Variants in SVOP observed in about 807,000 individuals in gnomAD.
The protein encoded by SVOP is SV2 related protein, also known as synaptic vesicle 2-related protein.
SVOP carries 17 observed loss-of-function variants against 69.1 expected under a neutral mutation model. That is an observed-to-expected ratio of 0.25 (90% CI 0.17 to 0.37). The LOEUF is 0.37. Ranked by LOEUF, SVOP falls within the 10% of genes least tolerant of loss-of-function variation. The pLI is 1.00. For missense variants in SVOP, 435 were observed against 597.5 expected, an observed-to-expected ratio of 0.73 and a Z score of 2.84; for synonymous variants, 238 against 238.6, an observed-to-expected ratio of 1.00 and a Z score of 0.02.
In SVOP at chr12:108,960,954, C is replaced by T. The variant is rs1042803288; in HGVS notation, c.547G>A (p.Val183Met). ...YSWILVLRGL[V>M]GFGIGGVPQS... ...GGAACTCCTCCGATCCCGAAGCCCA[C>T]CAGGCCCCGGAGCACCAGGATCCAG... is the stretch of plus-strand genomic sequence containing the variant. The change falls in exon 6 of 16, where the codon GTG (valine) becomes ATG (methionine). Residue 183 changes from valine (V) to methionine (M), a missense_variant. Transcript: ENST00000610966. 7 of 1,536,984 alleles carry T rather than the reference C, an allele frequency of 4.6e-6. No homozygotes were observed. In the African/African-American group the frequency reaches 8.2e-5, roughly 18 times the overall value.
chr12:108,912,131 G>GGCCACCCA lies in SVOP; in HGVS notation c.*403_*404insTGGGTGGC. Reference sequence around the variant, plus strand: ...GAGAAACCTACTGAACAGGTCCGGTGGGTGGACAGCAGGTGTCACATGGGC... The same window carrying GGCCACCCA: ...GAGAAACCTACTGAACAGGTCCGGTGGCCACCCAGGTGGACAGCAGGTGTCACATGGGC... On this transcript the variant is annotated 3_prime_UTR_variant, in exon 16 of 16. Coordinates refer to ENST00000610966, the MANE Select transcript of SVOP (RefSeq NM_018711.5). The GGCCACCCA allele has an allele frequency of 2.0e-6, 2 of 1,012,754 alleles. No homozygotes were observed. Among genetic ancestry groups the GGCCACCCA allele is most frequent in the African/African-American group, 3.4e-5 (2 of 58,744 alleles). The allele number at this position is 1,012,754 out of a possible 1,614,324, so 62.7% of individuals were successfully genotyped here.
At chr12:108,951,316 G>C (rs945920672) in intron 6 of SVOP, among the ~76,000 whole-genome samples, 5 of 152,164 alleles carry the variant, frequency 3.3e-5, no homozygotes, top group African/African-American at 1.2e-4. Flanking sequence ...TGCGGTGCAT[G>C]GCGCCCTCTA....
chr12:108,931,028 A>G (rs1437306169), intron 11 of SVOP, among the ~76,000 whole-genome samples: 1 of 152,142 alleles, frequency 6.6e-6, no homozygotes, highest in Non-Finnish European at 1.5e-5. Flanking sequence ...ATTCCCCTGA[A>G]TCCTTAGTTT....
rs753596901 is a variant in SVOP at position 108,922,684 on chromosome 12, C to T, written c.1156+6G>A. The T allele has an allele frequency of 9.4e-6, 15 of 1,597,564 alleles. No individual in the cohort carries two copies. In the South Asian group the frequency reaches 1.5e-4, roughly 16 times the overall value. ...GACACAGCTTCACCTTGCACAGGTC[C>T]CTCACCTGGAAACTCAGAGAGGGTG... is the stretch of plus-strand genomic sequence containing the variant. On this transcript the variant is annotated splice_donor_region_variant and intron_variant, in intron 12 of 15. Coordinates refer to ENST00000610966, the MANE Select transcript of SVOP (RefSeq NM_018711.5).
intron 11 of SVOP, among the ~76,000 whole-genome samples, chr12:108,930,441 T>C (rs371461268): frequency 3.4e-5 from 5 of 147,104 alleles, no homozygotes; most frequent in Non-Finnish European, 6.1e-5. Flanking sequence ...ATTGCTTTTT[T>C]TTTTTTTTTT....
chr12:108,977,378 G>A lies in SVOP; in HGVS notation c.381+20C>T, dbSNP rs1179384471. Reference sequence around the variant, plus strand: ...GGAGCAGAACTGTATGCAACAGAAGGGAGCTGCTGGGCTGCCTACCGAGGT... The same window carrying A: ...GGAGCAGAACTGTATGCAACAGAAGAGAGCTGCTGGGCTGCCTACCGAGGT... On this transcript the variant is annotated intron_variant, in intron 4 of 15. Coordinates refer to ENST00000610966, the MANE Select transcript of SVOP (RefSeq NM_018711.5). 3.9e-6 allele frequency: 6 copies of A among 1,536,644 alleles called. No homozygotes were observed. In the East Asian group the frequency reaches 1.2e-4, roughly 31 times the overall value.
intron 12 of SVOP, among the ~76,000 whole-genome samples, chr12:108,920,200 G>A (rs1216136510): frequency 6.6e-6 from 1 of 152,166 alleles, no homozygotes; most frequent in Non-Finnish European, 1.5e-5. Flanking sequence ...ACAGACCCTG[G>A]GCCAATGCCT....
chr12:109,020,041 C>T (rs2040387992), intron 1 of SVOP, among the ~76,000 whole-genome samples: 1 of 152,160 alleles, frequency 6.6e-6, no homozygotes, highest in Non-Finnish European at 1.5e-5. Context: ...AATGCCCCCT[C>T]TCATACTCTT....
chr12:108,936,023 TAC>T (rs144380662), intron 10 of SVOP, among the ~76,000 whole-genome samples: 1,720 of 144,394 alleles, frequency 0.012, 19 homozygotes, highest in African/African-American at 0.031. Flanking sequence ...ATAGTATAAA[TAC>T]ACACACACAC....
Position 108,947,246 on chromosome 12 carries a change from T to G in SVOP, c.579-2080A>C, listed in dbSNP as rs2039930794. 3.3e-5 allele frequency among the ~76,000 whole-genome samples: 5 copies of G among 152,180 alleles called. 1 individual carries two copies. The South Asian group carries it at 8.3e-4, about 25-fold the overall frequency. Reference sequence around the variant, plus strand: ...GGTTCCCTTTGGCAGAAGATGGTATTTAGAAACCAAGATCTCTGTGCTCAG... The same window carrying G: ...GGTTCCCTTTGGCAGAAGATGGTATGTAGAAACCAAGATCTCTGTGCTCAG... On this transcript the variant is annotated intron_variant, in intron 6 of 15. Transcript: ENST00000610966.
At chr12:108,989,652 C>A (rs907303450) in intron 1 of SVOP, among the ~76,000 whole-genome samples, 4 of 152,256 alleles carry the variant, frequency 2.6e-5, no homozygotes, top group African/African-American at 7.2e-5. Flanking sequence ...TCCCCTCCAC[C>A]AGGGGCAATC....
intron 5 of SVOP, among the ~76,000 whole-genome samples, chr12:108,964,277 G>A (rs2040033088): frequency 6.6e-6 from 1 of 152,010 alleles, no homozygotes; most frequent in Non-Finnish European, 1.5e-5. Flanking sequence ...TAAAGTCTAG[G>A]AAGTGATGAT....
chr12:108,941,428 G>A (rs540192232), intron 7 of SVOP, among the ~76,000 whole-genome samples: 1 of 152,224 alleles, frequency 6.6e-6, no homozygotes, highest in African/African-American at 2.4e-5. Flanking sequence ...GTTTCACTAT[G>A]TTTCCCAGGC....
At chr12:108,991,960 A>G (rs1017055341) in intron 1 of SVOP, among the ~76,000 whole-genome samples, 5 of 152,146 alleles carry the variant, frequency 3.3e-5, no homozygotes, top group African/African-American at 1.2e-4. Flanking sequence ...AAATAAAGAA[A>G]TAAACCAAAG....
chr12:109,015,673 C>A (rs554377824), intron 1 of SVOP, among the ~76,000 whole-genome samples: 8 of 152,028 alleles, frequency 5.3e-5, no homozygotes, highest in African/African-American at 1.9e-4. Context: ...TGGTGCATGC[C>A]TGTTATCCCA....
At chr12:108,954,963 G>A (rs1311137246) in intron 6 of SVOP, among the ~76,000 whole-genome samples, 2 of 152,184 alleles carry the variant, frequency 1.3e-5, no homozygotes, top group African/African-American at 2.4e-5. Context: ...GCTGCAGTGA[G>A]CCATGATTTT....
intron 2 of SVOP, among the ~76,000 whole-genome samples, chr12:108,979,290 A>G (rs2040123957): frequency 6.6e-6 from 1 of 152,166 alleles, no homozygotes; most frequent in Non-Finnish European, 1.5e-5. Flanking sequence ...CCCAGGCTGG[A>G]ACTCGGTGGT....
At chr12:108,937,043 T>G in intron 10 of SVOP, 1 of 535,520 alleles carries the variant, frequency 1.9e-6, no homozygotes, top group East Asian at 3.3e-5. Flanking sequence ...GCCTGCACGG[T>G]GATTAAAAGC....
At chr12:108,969,896 G>C (rs549519052) in intron 5 of SVOP, among the ~76,000 whole-genome samples, 2 of 152,080 alleles carry the variant, frequency 1.3e-5, no homozygotes, top group African/African-American at 4.8e-5. Flanking sequence ...GGTTAACAGG[G>C]GGGTAATAAC....
Sources: allele counts gnomAD v4.1 joint callset (sites outside exome capture counted in the v4.1 genomes callset), GRCh38; gene constraint gnomAD v4.1.1; transcripts MANE v1.5; gene names NCBI Gene and HGNC (gene_info 2026-07-23, HGNC 2026-07-21).